Variants in TAF3 observed in about 807,000 individuals in gnomAD.
The protein encoded by TAF3 is TATA-box binding protein associated factor 3, also known as transcription initiation factor TFIID subunit 3.
TAF3 carries 7 observed loss-of-function variants against 80.6 expected under a neutral mutation model. That is an observed-to-expected ratio of 0.09 (90% confidence interval 0.05 to 0.16). TAF3 has a LOEUF of 0.16. Ranked by LOEUF, TAF3 falls within the 10% of genes least tolerant of loss-of-function variation. The pLI, the probability that TAF3 is intolerant of heterozygous loss-of-function variation, is 1.00. For synonymous variants in TAF3, 444 were observed against 446.1 expected (o/e 1.00, Z 0.06); for missense variants, 921 against 1,140.2 (o/e 0.81, Z 2.77).
intron 6 of TAF3, 29 bp from the exon 7 acceptor site, chr10:8,014,608 T>C: frequency 6.3e-7 from 1 of 1,588,400 alleles, no homozygotes; most frequent in Non-Finnish European, 8.6e-7. Flanking sequence ...GTATAAAAGT[T>C]GCTTATCTGA....
At chr10:7,822,657 C>G (rs11255380) in intron 1 of TAF3, among the ~76,000 whole-genome samples, 25,858 of 151,946 alleles carry the variant, frequency 0.17, 2,645 homozygotes, top group East Asian at 0.52. Flanking sequence ...CCAATTCTAG[C>G]AATATTTGGA....
At chr10:7,937,951 G>C (rs537455850) in intron 2 of TAF3, among the ~76,000 whole-genome samples, 2 of 152,172 alleles carry the variant, frequency 1.3e-5, no homozygotes, top group Non-Finnish European at 2.9e-5. Flanking sequence ...GGAACATCCT[G>C]CTTGGAAATG....
chr10:7,927,465 C>G (rs1207855839), intron 2 of TAF3, among the ~76,000 whole-genome samples: 2 of 152,250 alleles, frequency 1.3e-5, no homozygotes, highest in Non-Finnish European at 1.5e-5. Flanking sequence ...AGCTCTGCCT[C>G]TCTTTTGTTC....
intron 4 of TAF3, among the ~76,000 whole-genome samples, chr10:7,992,802 T>C (rs1269946917): frequency 6.6e-6 from 1 of 152,204 alleles, no homozygotes; most frequent in Non-Finnish European, 1.5e-5. Flanking sequence ...AAGAGTAAAA[T>C]GATACACTTT....
chr10:7,956,126 A>G (rs1838133026), intron 2 of TAF3, among the ~76,000 whole-genome samples: 1 of 152,176 alleles, frequency 6.6e-6, no homozygotes, highest in African/African-American at 2.4e-5. Context: ...GCATCGGGTT[A>G]TAGGGTATTC....
chr10:7,911,480 TA>T (rs1837656451), intron 2 of TAF3, among the ~76,000 whole-genome samples: 1 of 152,226 alleles, frequency 6.6e-6, no homozygotes, highest in Non-Finnish European at 1.5e-5. Context: ...TAATGCATTT[TA>T]AGAAATGGCT....
At chr10:7,930,811 G>A (rs1017584585) in intron 2 of TAF3, among the ~76,000 whole-genome samples, 4 of 151,714 alleles carry the variant, frequency 2.6e-5, no homozygotes, top group African/African-American at 9.7e-5. Flanking sequence ...AAGTAGCAGA[G>A]GATATTGCTA....
intron 1 of TAF3, among the ~76,000 whole-genome samples, 195 bp from the exon 2 acceptor site, chr10:7,824,123 A>G (rs534196696): frequency 1.6e-4 from 24 of 152,254 alleles, no homozygotes; most frequent in Non-Finnish European, 3.2e-4. Context: ...GTCTGATTAT[A>G]TTTAAACTTG....
At chr10:7,963,648 G>A (rs10905262) in intron 2 of TAF3, among the ~76,000 whole-genome samples, 54,093 of 151,838 alleles carry the variant, frequency 0.36, 10,803 homozygotes, top group Admixed American at 0.48. Flanking sequence ...ATCACACATC[G>A]GCACCTGTTG....
At chr10:7,885,530 C>T (rs1837401794) in intron 2 of TAF3, among the ~76,000 whole-genome samples, 2 of 152,150 alleles carry the variant, frequency 1.3e-5, no homozygotes, top group Admixed American at 1.3e-4. Flanking sequence ...GAATCCTTTC[C>T]ACTTGGCCCC....
chr10:7,914,374 C>G (rs1837686005), intron 2 of TAF3, among the ~76,000 whole-genome samples: 1 of 152,204 alleles, frequency 6.6e-6, no homozygotes, highest in Non-Finnish European at 1.5e-5. Context: ...TTTCCCCCTC[C>G]TATTTCAATC....
At chr10:7,892,940 C>T (rs1483815511) in intron 2 of TAF3, among the ~76,000 whole-genome samples, 1 of 151,688 alleles carries the variant, frequency 6.6e-6, no homozygotes, top group African/African-American at 2.4e-5. Flanking sequence ...CTGCCTCAGC[C>T]TCCTGAGTAG....
At chr10:7,870,181 C>T (rs534429226) in intron 2 of TAF3, among the ~76,000 whole-genome samples, 35 of 152,284 alleles carry the variant, frequency 2.3e-4, no homozygotes, top group Admixed American at 7.8e-4. Context: ...TAACTTTGAA[C>T]TCATTCTTAT....
At chr10:7,978,343 G>C (rs1003273966) in intron 4 of TAF3, among the ~76,000 whole-genome samples, 2 of 152,112 alleles carry the variant, frequency 1.3e-5, no homozygotes, top group African/African-American at 4.8e-5. Context: ...TGTTGCTTCT[G>C]TCAGTTCCAC....
Position 7,838,591 on chromosome 10 carries a change from AG to A in TAF3, c.409+14033del, listed in dbSNP as rs1836876377. Reference sequence around the variant, plus strand: ...GAGGTGGGATTTCACCATGTTGGCCAGGCTGGTCTCAAACTCCTGACCTCAG... The same window carrying A: ...GAGGTGGGATTTCACCATGTTGGCCAGCTGGTCTCAAACTCCTGACCTCAG... On this transcript the variant is annotated intron_variant, in intron 2 of 6. Coordinates refer to ENST00000344293, the MANE Select transcript of TAF3 (RefSeq NM_031923.4). Among the ~76,000 whole-genome samples the A allele has an allele frequency of 3.3e-5, 5 of 152,308 alleles. No homozygotes were observed. The South Asian group carries it at 1.0e-3, about 32-fold the overall frequency.
chr10:7,923,809 G>C (rs1249686829), intron 2 of TAF3, among the ~76,000 whole-genome samples: 1 of 152,004 alleles, frequency 6.6e-6, no homozygotes, highest in Non-Finnish European at 1.5e-5. Flanking sequence ...GGGAAAAATT[G>C]AATTTTTGCA....
At chr10:7,930,191 C>T (rs1170806330) in intron 2 of TAF3, among the ~76,000 whole-genome samples, 1 of 152,130 alleles carries the variant, frequency 6.6e-6, no homozygotes, top group Non-Finnish European at 1.5e-5. Context: ...GAGTAGCACC[C>T]TCTCAAAACA....
intron 2 of TAF3, among the ~76,000 whole-genome samples, chr10:7,833,428 T>C (rs1212773422): frequency 6.6e-6 from 1 of 152,222 alleles, no homozygotes; most frequent in Non-Finnish European, 1.5e-5. Flanking sequence ...TCACTGTGGT[T>C]TTATTTCTGT....
chr10:7,842,390 G>A (rs945980665), intron 2 of TAF3, among the ~76,000 whole-genome samples: 4 of 151,908 alleles, frequency 2.6e-5, no homozygotes, highest in Admixed American at 6.6e-5. Flanking sequence ...GAACTGCAAG[G>A]CTCAACCAGT....
Sources: allele counts gnomAD v4.1 joint callset (sites outside exome capture counted in the v4.1 genomes callset), GRCh38; gene constraint gnomAD v4.1.1; transcripts MANE v1.5; gene names NCBI Gene and HGNC (gene_info 2026-07-23, HGNC 2026-07-21).